The following ARHGAP6 variants were observed in gnomAD, a reference collection of about 807,000 sequenced individuals.
ARHGAP6 encodes Rho GTPase activating protein 6.
ARHGAP6 carries 16 observed loss-of-function variants against 55.7 expected under a neutral mutation model. That is an observed-to-expected ratio of 0.29 (90% CI 0.19 to 0.44). ARHGAP6 has a LOEUF of 0.44. Among genes scored for constraint, ARHGAP6 ranks in the 20% least tolerant of loss-of-function variants. The pLI is 1.00. For missense variants in ARHGAP6, 698 were observed against 808.9 expected, an observed-to-expected ratio of 0.86 and a Z score of 1.66; for synonymous variants, 382 against 360.9, an observed-to-expected ratio of 1.06 and a Z score of -0.66.
intron 1 of ARHGAP6, among the ~76,000 whole-genome samples, chrX:11,565,630 A>G (rs5978440): frequency 0.25 from 27,485 of 111,704 alleles, 2,603 homozygotes; most frequent in Middle Eastern, 0.32. Context: ...GAGACCATCA[A>G]TGGTGCCTGC....
At chrX:11,580,114 T>C (rs756187332) in intron 1 of ARHGAP6, among the ~76,000 whole-genome samples, 1 of 111,672 alleles carries the variant, frequency 9.0e-6, no homozygotes, top group Non-Finnish European at 1.9e-5. Context: ...TCCTATAGGG[T>C]AGGTGAGGTA....
At chrX:11,298,467 T>C in intron 1 of ARHGAP6, 1 of 1,182,573 alleles carries the variant, frequency 8.5e-7, no homozygotes, top group Non-Finnish European at 1.1e-6. Flanking sequence ...CCTATAGCCA[T>C]AATGGCAAAG....
At chrX:11,506,799 C>G (rs1479307016) in intron 1 of ARHGAP6, among the ~76,000 whole-genome samples, 2 of 111,398 alleles carry the variant, frequency 1.8e-5, no homozygotes, top group Non-Finnish European at 3.8e-5. Flanking sequence ...GTTCTAGATC[C>G]TTGAGGAATC....
intron 1 of ARHGAP6, among the ~76,000 whole-genome samples, chrX:11,498,492 T>C (rs1260300367): frequency 1.8e-5 from 2 of 111,874 alleles, no homozygotes; most frequent in African/African-American, 6.5e-5. Flanking sequence ...ACTCTCACCA[T>C]CTGTGCATTC....
intron 1 of ARHGAP6, among the ~76,000 whole-genome samples, chrX:11,441,793 G>T (rs1388166126): frequency 2.7e-5 from 3 of 109,883 alleles, no homozygotes; most frequent in African/African-American, 9.9e-5. Context: ...GACCTGGGAG[G>T]CTGCATTGAG....
intron 1 of ARHGAP6, among the ~76,000 whole-genome samples, chrX:11,420,158 T>C (rs1225458689): frequency 8.9e-6 from 1 of 111,889 alleles, no homozygotes; most frequent in East Asian, 2.8e-4. Context: ...TATTGAAAAG[T>C]ATCCCATATT....
intron 1 of ARHGAP6, among the ~76,000 whole-genome samples, chrX:11,498,815 A>T (rs1297338317): frequency 8.9e-6 from 1 of 112,558 alleles, no homozygotes; most frequent in East Asian, 2.8e-4. Context: ...ACAATTATAC[A>T]CAGGTAGAAG....
chrX:11,487,895 T>C (rs1368730144), intron 1 of ARHGAP6, among the ~76,000 whole-genome samples: 1 of 112,192 alleles, frequency 8.9e-6, no homozygotes, highest in East Asian at 2.8e-4. Flanking sequence ...CAGTAATAAT[T>C]AATTTAGCCA....
intron 1 of ARHGAP6, among the ~76,000 whole-genome samples, chrX:11,383,092 A>G (rs1019697172): frequency 3.6e-5 from 4 of 112,237 alleles, no homozygotes; most frequent in African/African-American, 1.3e-4. Flanking sequence ...AATGACATCA[A>G]TCAGATTGGC....
intron 2 of ARHGAP6, among the ~76,000 whole-genome samples, chrX:11,219,049 C>T (rs1421677233): frequency 1.3e-5 from 1 of 77,284 alleles, no homozygotes; most frequent in Non-Finnish European, 2.4e-5. Flanking sequence ...CCCCCCACCC[C>T]ACAACAGTCC....
At chrX:11,150,774 G>A (rs763791935) in intron 10 of ARHGAP6, among the ~76,000 whole-genome samples, 1 of 112,015 alleles carries the variant, frequency 8.9e-6, no homozygotes, top group South Asian at 3.7e-4. Flanking sequence ...GGGTGACAGA[G>A]CGAGACCCTG....
At chrX:11,232,233 C>T (rs1415020128) in intron 2 of ARHGAP6, among the ~76,000 whole-genome samples, 1 of 111,838 alleles carries the variant, frequency 8.9e-6, no homozygotes, top group African/African-American at 3.3e-5. Flanking sequence ...TCTTTATCCC[C>T]GTCAACCCTG....
At chrX:11,148,783 C>G (rs2045732921) in intron 10 of ARHGAP6, 1 of 338,223 alleles carries the variant, frequency 3.0e-6, no homozygotes, top group Non-Finnish European at 5.8e-6. Context: ...CCTTGCTGAG[C>G]TACCCCAGCA....
At chrX:11,251,101 C>T (rs2047417943) in intron 2 of ARHGAP6, among the ~76,000 whole-genome samples, 1 of 111,845 alleles carries the variant, frequency 8.9e-6, no homozygotes, top group African/African-American at 3.3e-5. Flanking sequence ...ACCTTTTGGC[C>T]TGTCCTGCAA....
At chrX:11,302,680 CAT>C (rs2048187248) in intron 1 of ARHGAP6, among the ~76,000 whole-genome samples, 1 of 111,245 alleles carries the variant, frequency 9.0e-6, no homozygotes, top group African/African-American at 3.3e-5. Flanking sequence ...TAAAAAGACA[CAT>C]GTGGAGACAT....
At chrX:11,587,011 T>C (rs2051742408) in intron 1 of ARHGAP6, among the ~76,000 whole-genome samples, 4 of 111,936 alleles carry the variant, frequency 3.6e-5, no homozygotes, top group Admixed American at 2.9e-4. Context: ...GTGATTTTTA[T>C]ACGTTGATTT....
At chrX:11,568,930 T>C (rs1213681078) in intron 1 of ARHGAP6, among the ~76,000 whole-genome samples, 1 of 111,856 alleles carries the variant, frequency 8.9e-6, no homozygotes, top group Non-Finnish European at 1.9e-5. Flanking sequence ...AAATGGAGGC[T>C]ATGGCAAAAA....
chrX:11,467,131 C>T (rs1406932355), intron 1 of ARHGAP6, among the ~76,000 whole-genome samples: 1 of 111,506 alleles, frequency 9.0e-6, no homozygotes, highest in Non-Finnish European at 1.9e-5. Context: ...TTGAATGGGA[C>T]AGTCCTTCCC....
intron 1 of ARHGAP6, among the ~76,000 whole-genome samples, chrX:11,615,180 A>T (rs1157428180): frequency 9.0e-6 from 1 of 111,350 alleles, no homozygotes; most frequent in Non-Finnish European, 1.9e-5. Context: ...AAACCAGTCC[A>T]TGCACTTTTT....
Sources: gnomAD v4.1 joint callset for allele counts (sites outside exome capture counted in the v4.1 genomes callset) on GRCh38, gnomAD v4.1.1 for gene constraint, MANE v1.5 for transcripts, NCBI Gene and HGNC (gene_info 2026-07-23, HGNC 2026-07-21) for gene names.